The following HS3ST3B1 variants were observed in gnomAD, a reference collection of about 807,000 sequenced individuals.
HS3ST3B1 encodes heparan sulfate glucosamine 3-O-sulfotransferase 3B1.
In HS3ST3B1, 13 loss-of-function variants were observed where a neutral mutation model predicts 21.3. The ratio of observed to expected loss-of-function variants is 0.61; its 90% CI spans 0.40 to 0.97. The LOEUF (loss-of-function observed/expected upper bound fraction) is 0.97. HS3ST3B1 is among the 50% of genes least tolerant of loss of function. The pLI is 0.00. For synonymous variants in HS3ST3B1, 234 were observed against 254.8 expected (o/e 0.92, Z 0.78); for missense variants, 459 against 554.8 (o/e 0.83, Z 1.73).
rs139233230 is a variant in HS3ST3B1, at chr17:14,348,852, C to T, written c.*3206C>T. The T allele has an allele frequency of 7.2e-4, 109 of 151,980 alleles. 1 individual carries two copies. In the East Asian group the frequency reaches 0.018, roughly 25 times the overall value. The allele number at this position is 151,980 out of a possible 1,614,324, so 9.4% of individuals were successfully genotyped here. A position where few individuals can be genotyped will look rare whatever the true frequency, so the allele number is the denominator to read the frequency against. On this transcript the variant is annotated 3_prime_UTR_variant, in exon 2 of 2. Coordinates refer to ENST00000360954, the MANE Select transcript of HS3ST3B1 (RefSeq NM_006041.3). Reference sequence around the variant, plus strand: ...TAGTCTGTTAACTTAGTAGGTGGTACCTGGAAAGGTATTTTAAGTATAGTG... The same window carrying T: ...TAGTCTGTTAACTTAGTAGGTGGTATCTGGAAAGGTATTTTAAGTATAGTG...
At chr17:14,325,995 TATG>T (rs1418966765) in intron 1 of HS3ST3B1, among the ~76,000 whole-genome samples, 2 of 152,014 alleles carry the variant, frequency 1.3e-5, no homozygotes, top group Non-Finnish European at 2.9e-5. Context: ...GGATAGAGGT[TATG>T]ATGACTCTGT....
At chr17:14,343,514 G>A (rs1264772377) in intron 1 of HS3ST3B1, among the ~76,000 whole-genome samples, 1 of 152,010 alleles carries the variant, frequency 6.6e-6, no homozygotes, top group Non-Finnish European at 1.5e-5. Context: ...ACCAGCCTCT[G>A]GTAACCACCT....
chr17:14,337,974 A>T (rs982481154), intron 1 of HS3ST3B1, among the ~76,000 whole-genome samples: 1 of 151,700 alleles, frequency 6.6e-6, no homozygotes, highest in South Asian at 2.1e-4. Context: ...CTGCTTGCAC[A>T]TTAGAATCAT....
At chr17:14,340,283 G>T (rs1407424339) in intron 1 of HS3ST3B1, among the ~76,000 whole-genome samples, 4 of 152,116 alleles carry the variant, frequency 2.6e-5, no homozygotes, top group Non-Finnish European at 4.4e-5. Flanking sequence ...AGGTTCCTCA[G>T]CCTCCACCAG....
chr17:14,334,807 G>T lies in HS3ST3B1; in HGVS notation c.555-10221G>T, dbSNP rs770027025. On this transcript the variant is annotated intron_variant, in intron 1 of 1. Coordinates refer to ENST00000360954, the MANE Select transcript of HS3ST3B1 (RefSeq NM_006041.3). ...CCCTCACCCAACCCCCAGGATCCCA[G>T]TGTTTTCTTTTTGAGTTTAGCTGCT... is the stretch of plus-strand genomic sequence containing the variant. Among the ~76,000 whole-genome samples the T allele has an allele frequency of 2.6e-5, 4 of 152,138 alleles. No individual in the cohort carries two copies. In the East Asian group the frequency reaches 7.7e-4, roughly 29 times the overall value.
chr17:14,341,350 G>T (rs1178096265), intron 1 of HS3ST3B1, among the ~76,000 whole-genome samples: 1 of 152,082 alleles, frequency 6.6e-6, no homozygotes, highest in Non-Finnish European at 1.5e-5. Context: ...GCCCCCCTGT[G>T]GGGTAGAACT....
chr17:14,301,577 C>A lies in HS3ST3B1; in HGVS notation c.59C>A (p.Pro20Gln). The A allele has an allele frequency of 1.3e-6, 2 of 1,597,744 alleles. No individual in the cohort carries two copies. Among genetic ancestry groups the A allele is most frequent in the African/African-American group, 2.7e-5 (2 of 74,328 alleles). Residue 20 changes from proline to glutamine, a missense_variant, in exon 1 of 2, where the codon CCG becomes CAG. Coordinates refer to ENST00000360954, the MANE Select transcript of HS3ST3B1 (RefSeq NM_006041.3). ...SCLDVPGRLLPQPPPPPPPVR... is the reference protein window; with the variant it reads ...SCLDVPGRLLQQPPPPPPPVR... ...CTCGATGTCCCCGGCCGGCTCCTAC[C>A]GCAGCCGCCGCCGCCCCCGCCGCCG...
chr17:14,347,390 T>C lies in HS3ST3B1; in HGVS notation c.*1744T>C, dbSNP rs987510795. 1.3e-5 allele frequency: 2 copies of C among 152,214 alleles called. No homozygotes were observed. Among genetic ancestry groups the C allele is most frequent in the African/African-American group, 2.4e-5 (1 of 41,444 alleles). The allele number at this position is 152,214 out of a possible 1,614,324, so 9.4% of individuals were successfully genotyped here. A position where few individuals can be genotyped will look rare whatever the true frequency, so the allele number is the denominator to read the frequency against. On this transcript the variant is annotated 3_prime_UTR_variant, in exon 2 of 2. Transcript: ENST00000360954. Reference sequence around the variant, plus strand: ...TTAAACATATAGCAATATCACATAATGATATGTTTAATTTAACCTCAGTTT... The same window carrying C: ...TTAAACATATAGCAATATCACATAACGATATGTTTAATTTAACCTCAGTTT...
At position 14,301,832 on chromosome 17, in the gene HS3ST3B1, C is replaced by T. The variant is rs754401879; in HGVS notation, c.314C>T (p.Ala105Val). The T allele has an allele frequency of 1.0e-4, 162 of 1,573,914 alleles. No homozygotes were observed. Among genetic ancestry groups the T allele is most frequent in the Non-Finnish European group, 1.3e-4 (154 of 1,160,592 alleles). The stretch of plus-strand genomic sequence containing the variant: ...CCACTGGCTTCAGGCAAGGAGATGG[C>T]CGAGGGCGCTGCGAGCCCGGAGGAG... ...ATPLASGKEM[A>V]EGAASPEEQS... Residue 105 changes from alanine (A) to valine (V), a missense_variant, in exon 1 of 2, where the codon GCC becomes GTC. Ala to Val is a moderately conservative substitution (Grantham distance 64). Around this residue, in one of 3 missense-constraint regions of HS3ST3B1, gnomAD observed 317 missense variants for 278.6 expected, o/e 1.14. Coordinates refer to ENST00000360954, the MANE Select transcript of HS3ST3B1 (RefSeq NM_006041.3).
intron 1 of HS3ST3B1, among the ~76,000 whole-genome samples, chr17:14,311,681 G>A (rs1909309480): frequency 6.6e-6 from 1 of 152,172 alleles, no homozygotes; most frequent in South Asian, 2.1e-4. Context: ...AATCCCGTCG[G>A]TGCACTTGCT....
At chr17:14,329,548 G>C (rs1325974806) in intron 1 of HS3ST3B1, 1 of 151,190 alleles carries the variant, frequency 6.6e-6, no homozygotes, top group Non-Finnish European at 1.5e-5. Context: ...AAAGAAGAAA[G>C]AAAAGGAAAG....
chr17:14,337,425 T>G (rs557089618), intron 1 of HS3ST3B1, among the ~76,000 whole-genome samples: 16 of 151,876 alleles, frequency 1.1e-4, no homozygotes, highest in African/African-American at 3.9e-4. Flanking sequence ...TCTCCCAGGT[T>G]CAAGTGACTC....
chr17:14,324,669 A>G (rs892279835), intron 1 of HS3ST3B1, among the ~76,000 whole-genome samples: 1 of 152,196 alleles, frequency 6.6e-6, no homozygotes, highest in African/African-American at 2.4e-5. Context: ...GCTAGAGCAC[A>G]ATGGTGTGAT....
At chr17:14,337,332 ATT>A (rs35942275) in intron 1 of HS3ST3B1, among the ~76,000 whole-genome samples, 2 of 143,422 alleles carry the variant, frequency 1.4e-5, no homozygotes, top group Non-Finnish European at 3.0e-5. Context: ...TCCTGATTGG[ATT>A]TTTTTTTTTT....
intron 1 of HS3ST3B1, among the ~76,000 whole-genome samples, chr17:14,333,025 G>A (rs1356616299): frequency 6.6e-6 from 1 of 151,896 alleles, no homozygotes; most frequent in East Asian, 1.9e-4. Flanking sequence ...ACCAGGTGAT[G>A]AGAATAATAC....
rs1183718897 is a variant in HS3ST3B1 at position 14,301,576 on chromosome 17, C to T, written c.58C>T (p.Pro20Ser). Residue 20 changes from proline to serine, a missense_variant, in exon 1 of 2, where the codon CCG becomes TCG. Physicochemically the swap from Pro to Ser is moderately conservative, Grantham distance 74. Coordinates refer to ENST00000360954, the MANE Select transcript of HS3ST3B1 (RefSeq NM_006041.3). ...SCLDVPGRLL[P>S]QPPPPPPPVR... ...CCTCGATGTCCCCGGCCGGCTCCTACCGCAGCCGCCGCCGCCCCCGCCGCC... is the reference window on the plus strand; with the variant it reads ...CCTCGATGTCCCCGGCCGGCTCCTATCGCAGCCGCCGCCGCCCCCGCCGCC... 1 of 1,597,584 alleles carries T rather than the reference C, an allele frequency of 6.3e-7. No individual in the cohort carries two copies. Among genetic ancestry groups the T allele is most frequent in the African/African-American group, 1.3e-5 (1 of 74,282 alleles).
intron 1 of HS3ST3B1, among the ~76,000 whole-genome samples, chr17:14,321,925 C>CAT (rs147408597): frequency 0.035 from 5,312 of 151,002 alleles, 258 homozygotes; most frequent in African/African-American, 0.12. Flanking sequence ...ATTTTTCTCT[C>CAT]ATATATATAT....
chr17:14,314,915 G>C (rs553463396), intron 1 of HS3ST3B1, among the ~76,000 whole-genome samples: 158 of 152,298 alleles, frequency 1.0e-3, no homozygotes, highest in African/African-American at 3.7e-3. Context: ...AGTTGGGCAG[G>C]AGCTTTTATC....
intron 1 of HS3ST3B1, among the ~76,000 whole-genome samples, chr17:14,343,241 CAA>C (rs538774953): frequency 5.2e-5 from 6 of 114,908 alleles, no homozygotes; most frequent in Non-Finnish European, 3.7e-5. Context: ...GACTCTGTCT[CAA>C]AAAAAAAAAA....
Sources: gnomAD v4.1 joint callset for allele counts (sites outside exome capture counted in the v4.1 genomes callset) on GRCh38, gnomAD v4.1.1 for gene constraint, gnomAD v4.1.1 regional missense constraint, MANE v1.5 for transcripts, NCBI Gene and HGNC (gene_info 2026-07-23, HGNC 2026-07-21) for gene names.